The following IL1RAPL1 variants were observed in gnomAD, a reference collection of about 807,000 sequenced individuals.
The protein encoded by IL1RAPL1 is interleukin-1 receptor accessory protein-like 1.
In IL1RAPL1, 3 loss-of-function variants were observed where a neutral mutation model predicts 48.4. That is an observed-to-expected ratio of 0.06 (90% confidence interval 0.03 to 0.16). The LOEUF is 0.16. Among genes scored for constraint, IL1RAPL1 ranks in the 10% least tolerant of loss-of-function variants. The pLI, the probability that IL1RAPL1 is intolerant of heterozygous loss-of-function variation, is 1.00. For missense variants in IL1RAPL1, 349 were observed against 530.6 expected (o/e 0.66, Z 3.36); for synonymous variants, 185 against 187.7 (o/e 0.99, Z 0.12).
At chrX:29,437,869 C>T (rs1406005070) in intron 5 of IL1RAPL1, among the ~76,000 whole-genome samples, 4 of 110,341 alleles carry the variant, frequency 3.6e-5, no homozygotes, top group East Asian at 2.8e-4. Context: ...GGGTGTTTGA[C>T]GTCAGATTAA....
intron 5 of IL1RAPL1, among the ~76,000 whole-genome samples, chrX:29,416,158 A>T (rs927271510): frequency 8.9e-6 from 1 of 111,930 alleles, no homozygotes; most frequent in Non-Finnish European, 1.9e-5. Context: ...GTGAGAACTT[A>T]GGTAGAAATG....
intron 1 of IL1RAPL1, among the ~76,000 whole-genome samples, chrX:28,620,711 C>G (rs994158469): frequency 8.9e-6 from 1 of 111,997 alleles, no homozygotes. Context: ...GGTGAGAAAG[C>G]AGATTTTCAT....
chrX:29,036,932 T>C (rs1926743961), intron 2 of IL1RAPL1, among the ~76,000 whole-genome samples: 1 of 112,032 alleles, frequency 8.9e-6, no homozygotes, highest in African/African-American at 3.2e-5. Flanking sequence ...GTTGGGAATA[T>C]TGTATTACTC....
At chrX:29,766,655 T>A (rs1220802184) in intron 6 of IL1RAPL1, among the ~76,000 whole-genome samples, 1 of 94,459 alleles carries the variant, frequency 1.1e-5, no homozygotes, top group Non-Finnish European at 2.0e-5. Flanking sequence ...TTATATATAT[T>A]ATATATTAAT....
intron 1 of IL1RAPL1, among the ~76,000 whole-genome samples, chrX:28,647,656 T>C (rs1934629583): frequency 1.8e-5 from 2 of 112,034 alleles, no homozygotes; most frequent in Non-Finnish European, 3.8e-5. Flanking sequence ...CAAATTTCAT[T>C]GCATAGTTTT....
chrX:29,436,898 C>T (rs1934487701), intron 5 of IL1RAPL1, among the ~76,000 whole-genome samples: 1 of 110,283 alleles, frequency 9.1e-6, no homozygotes, highest in African/African-American at 3.3e-5. Context: ...GTGTGTGTTA[C>T]AATTTTTTGG....
chrX:29,480,671 AAAG>A (rs1314844970), intron 5 of IL1RAPL1, among the ~76,000 whole-genome samples: 1 of 110,974 alleles, frequency 9.0e-6, no homozygotes, highest in Non-Finnish European at 1.9e-5. Context: ...AAGTAAACAC[AAAG>A]AAGTAAAAAT....
chrX:29,718,685 T>C (rs1438818275), intron 6 of IL1RAPL1, among the ~76,000 whole-genome samples: 1 of 109,387 alleles, frequency 9.1e-6, no homozygotes, highest in Non-Finnish European at 1.9e-5. Flanking sequence ...GCAGCATAAA[T>C]TGAACCACAG....
At chrX:29,848,290 GT>G (rs1490774832) in intron 6 of IL1RAPL1, among the ~76,000 whole-genome samples, 24 of 110,933 alleles carry the variant, frequency 2.2e-4, no homozygotes, top group Admixed American at 2.1e-3. Flanking sequence ...CAGTTTAATT[GT>G]TTTCTGTCAT....
At chrX:29,554,315 A>T (rs1300566005) in intron 5 of IL1RAPL1, among the ~76,000 whole-genome samples, 1 of 111,481 alleles carries the variant, frequency 9.0e-6, no homozygotes, top group Non-Finnish European at 1.9e-5. Context: ...GGAAAAAAAG[A>T]TTCAAAATTA....
chrX:29,204,582 C>T (rs1930625482), intron 2 of IL1RAPL1, among the ~76,000 whole-genome samples: 1 of 111,528 alleles, frequency 9.0e-6, no homozygotes, highest in Non-Finnish European at 1.9e-5. Flanking sequence ...TTATGTGTTC[C>T]TATACGCTCT....
At chrX:29,429,892 GTGGT>G (rs1381128415) in intron 5 of IL1RAPL1, among the ~76,000 whole-genome samples, 1,328 of 62,478 alleles carry the variant, frequency 0.021, 28 homozygotes, top group African/African-American at 0.09. Flanking sequence ...GTGTGTGTGT[GTGGT>G]GTGTGTGTGT....
chrX:29,680,727 G>A (rs1926425395), intron 6 of IL1RAPL1, among the ~76,000 whole-genome samples: 1 of 111,879 alleles, frequency 8.9e-6, no homozygotes, highest in Admixed American at 9.5e-5. Context: ...CATTAACTTA[G>A]TGAGGGTAGA....
chrX:29,910,178 A>G (rs1170576154), intron 6 of IL1RAPL1, among the ~76,000 whole-genome samples: 1 of 111,139 alleles, frequency 9.0e-6, no homozygotes, highest in Non-Finnish European at 1.9e-5. Flanking sequence ...GTTCTCACTT[A>G]TAAGTGGAAG....
At chrX:29,044,251 G>A (rs1484282250) in intron 2 of IL1RAPL1, among the ~76,000 whole-genome samples, 1 of 110,223 alleles carries the variant, frequency 9.1e-6, no homozygotes, top group Non-Finnish European at 1.9e-5. Context: ...GGCCAACACG[G>A]TGAAACCCAC....
At chrX:29,089,567 C>CTT (rs72154648) in intron 2 of IL1RAPL1, among the ~76,000 whole-genome samples, 22,932 of 100,108 alleles carry the variant, frequency 0.23, 3,003 homozygotes, top group African/African-American at 0.43. Context: ...ATGTTTGTAC[C>CTT]TTTTTTTTTA....
At chrX:29,941,588 GTTTAA>G (rs1933128664) in intron 8 of IL1RAPL1, 58 bp from the exon 9 acceptor site, 3 of 1,117,356 alleles carry the variant, frequency 2.7e-6, no homozygotes, top group African/African-American at 1.8e-5. Flanking sequence ...ATCAAACTGA[GTTTAA>G]TTTATGATTT....
intron 5 of IL1RAPL1, among the ~76,000 whole-genome samples, chrX:29,615,162 C>T (rs1424166655): frequency 9.0e-6 from 1 of 111,418 alleles, no homozygotes. Context: ...ACAAAAAGCC[C>T]CTGTTTTATA....
chrX:29,070,150 T>A (rs1357898619), intron 2 of IL1RAPL1, among the ~76,000 whole-genome samples: 13 of 111,957 alleles, frequency 1.2e-4, no homozygotes, highest in Non-Finnish European at 2.4e-4. Flanking sequence ...CACAATTCTG[T>A]TCTTTATATT....
Sources: allele counts gnomAD v4.1 joint callset (sites outside exome capture counted in the v4.1 genomes callset), GRCh38; gene constraint gnomAD v4.1.1; transcripts MANE v1.5; gene names NCBI Gene and HGNC (gene_info 2026-07-23, HGNC 2026-07-21).